SMARCC1: variants seen among roughly 807,000 people sequenced by gnomAD.
The protein encoded by SMARCC1 is SWI/SNF related BAF chromatin remodeling complex subunit C1.
SMARCC1 carries 43 observed loss-of-function variants against 147.4 expected under a neutral mutation model. That is an observed-to-expected ratio of 0.29 (90% CI 0.23 to 0.38). The LOEUF (loss-of-function observed/expected upper bound fraction) is 0.38. SMARCC1 is among the 10% of genes least tolerant of loss of function. SMARCC1 has a pLI of 1.00. For missense variants in SMARCC1, 1,119 were observed against 1,381.1 expected, an observed-to-expected ratio of 0.81 and a Z score of 3.01; for synonymous variants, 495 against 484.4, an observed-to-expected ratio of 1.02 and a Z score of -0.29.
intron 2 of SMARCC1, among the ~76,000 whole-genome samples, chr3:47,753,556 C>CA (rs1162028886): frequency 3.3e-5 from 5 of 150,366 alleles, no homozygotes; most frequent in Non-Finnish European, 4.4e-5. Flanking sequence ...ACTAAAAATA[C>CA]AAAAAAAATC....
At chr3:47,756,649 C>T (rs574309088) in intron 2 of SMARCC1, among the ~76,000 whole-genome samples, 3 of 151,930 alleles carry the variant, frequency 2.0e-5, no homozygotes, top group South Asian at 4.1e-4. Flanking sequence ...TAATGGTCCA[C>T]GGGTCAAATG....
At position 47,585,641 on chromosome 3, in the gene SMARCC1, G is replaced by A. The variant is rs1175856616; in HGVS notation, c.*2568C>T. The stretch of plus-strand genomic sequence containing the variant: ...GCAAAGCTATTTCTCACACCTGGAG[G>A]TGCCAGGATGTTGGCCATCATTTTT... On this transcript the variant is annotated 3_prime_UTR_variant, in exon 28 of 28. Transcript: ENST00000254480. 1 of 152,186 alleles carries A rather than the reference G, an allele frequency of 6.6e-6. No homozygotes were observed. Among genetic ancestry groups the A allele is most frequent in the Non-Finnish European group, 1.5e-5 (1 of 68,034 alleles). 9.4% of individuals were successfully genotyped at this position (152,186 alleles called of 1,614,324 possible).
intron 10 of SMARCC1, among the ~76,000 whole-genome samples, chr3:47,705,531 AG>A (rs1299229413): frequency 6.6e-6 from 1 of 152,188 alleles, no homozygotes; most frequent in Non-Finnish European, 1.5e-5. Flanking sequence ...TCTATTAGTA[AG>A]AGTGTTGTCA....
At chr3:47,756,300 T>C (rs1272235369) in intron 2 of SMARCC1, among the ~76,000 whole-genome samples, 1 of 151,896 alleles carries the variant, frequency 6.6e-6, no homozygotes, top group Non-Finnish European at 1.5e-5. Context: ...TTGGGAGGCC[T>C]AGGCGAGCAG....
chr3:47,624,849 A>G (rs1169130121), intron 24 of SMARCC1, among the ~76,000 whole-genome samples: 1 of 151,686 alleles, frequency 6.6e-6, no homozygotes, highest in Non-Finnish European at 1.5e-5. Flanking sequence ...CAGGAGTTCA[A>G]AACCAGCCTG....
chr3:47,667,275 GCCACT>G (rs1338852231), intron 19 of SMARCC1, among the ~76,000 whole-genome samples: 2 of 149,716 alleles, frequency 1.3e-5, no homozygotes, highest in East Asian at 3.9e-4. Flanking sequence ...CCGAGATCAC[GCCACT>G]GCACTCCAGC....
chr3:47,628,933 T>C (rs776761417), intron 24 of SMARCC1, among the ~76,000 whole-genome samples: 2 of 152,124 alleles, frequency 1.3e-5, no homozygotes, highest in Non-Finnish European at 1.5e-5. Context: ...CTACAACAAG[T>C]AGAATGCAGG....
intron 24 of SMARCC1, among the ~76,000 whole-genome samples, chr3:47,624,627 T>C (rs2032781221): frequency 1.3e-5 from 2 of 152,156 alleles, no homozygotes; most frequent in Non-Finnish European, 1.5e-5. Context: ...ACTTCCTACA[T>C]GTGCTACTGA....
chr3:47,646,003 T>A (rs1475487595), intron 21 of SMARCC1, among the ~76,000 whole-genome samples: 1 of 152,146 alleles, frequency 6.6e-6, no homozygotes, highest in African/African-American at 2.4e-5. Context: ...TGGCTCGGAC[T>A]TTTAAGGTGA....
intron 3 of SMARCC1, among the ~76,000 whole-genome samples, chr3:47,744,709 T>A (rs555101324): frequency 6.6e-6 from 1 of 152,126 alleles, no homozygotes; most frequent in South Asian, 2.1e-4. Context: ...GTGAACTATG[T>A]CCCTGACAAC....
rs771485811 is a variant in SMARCC1, at chr3:47,781,680, T to G, written c.118A>C (p.Thr40Pro). ...GTCTCCGGGCTCTCCCAAAACTTGG[T>G]GGCCGGGCCCCCATCCTTCCGTCGA... ...VYRRKDGGPA[T>P]KFWESPETVS... is the part of the protein sequence containing the mutation. Residue 40 changes from threonine (T) to proline (P), a missense_variant, in exon 1 of 28, where the codon ACC becomes CCC. Around this residue, in one of 6 missense-constraint regions of SMARCC1, gnomAD observed 542 missense variants for 611.8 expected, o/e 0.89. Transcript: ENST00000254480. 1.3e-6 allele frequency: 2 copies of G among 1,561,502 alleles called. No homozygotes were observed. Among genetic ancestry groups the G allele is most frequent in the African/African-American group, 1.4e-5 (1 of 70,374 alleles).
chr3:47,647,926 T>C (rs1026906270), intron 21 of SMARCC1, among the ~76,000 whole-genome samples: 3 of 152,236 alleles, frequency 2.0e-5, no homozygotes, highest in Admixed American at 2.0e-4. Context: ...CACTTCTGTT[T>C]CTGTGACTTC....
chr3:47,622,423 A>G, intron 24 of SMARCC1, 82 bp from the exon 25 acceptor site: 1 of 1,314,802 alleles, frequency 7.6e-7, no homozygotes. Flanking sequence ...TATTCAAAGT[A>G]GAGATTATAT....
intron 26 of SMARCC1, chr3:47,603,353 T>A (rs775054719): frequency 3.3e-5 from 5 of 149,980 alleles, no homozygotes; most frequent in Non-Finnish European, 7.4e-5. Flanking sequence ...ACCTGGGAGG[T>A]AGAGGTTGAG....
At chr3:47,637,236 A>T (rs887378513) in intron 22 of SMARCC1, among the ~76,000 whole-genome samples, 1 of 152,208 alleles carries the variant, frequency 6.6e-6, no homozygotes, top group African/African-American at 2.4e-5. Context: ...AATGTGAAGT[A>T]CAAATATCGT....
chr3:47,643,690 T>A (rs1313464484), intron 21 of SMARCC1, among the ~76,000 whole-genome samples: 1 of 152,250 alleles, frequency 6.6e-6, no homozygotes, highest in African/African-American at 2.4e-5. Flanking sequence ...ATTTTCACAG[T>A]ATTTAGAATG....
chr3:47,757,180 G>A (rs1171817990), intron 2 of SMARCC1, among the ~76,000 whole-genome samples: 4 of 152,068 alleles, frequency 2.6e-5, no homozygotes, highest in Admixed American at 2.0e-4. Flanking sequence ...GAGCCCAGGC[G>A]TTTGAGGCCG....
chr3:47,678,238 A>C lies in SMARCC1; in HGVS notation c.1531T>G (p.Cys511Gly). 6.2e-7 allele frequency: 1 copy of C among 1,609,620 alleles called. No individual in the cohort carries two copies. The highest frequency in any genetic ancestry group is 8.5e-7 in the Non-Finnish European group (1 of 1,178,124). ...ACATCTCCAGTCAAGTTCCTCCGAC[A>C]AGCAGTGCTAGTTAAATACTCTTGG... is the stretch of plus-strand genomic sequence containing the variant. ...NPQEYLTSTA[C>G]RRNLTGDVCA... is the part of the protein sequence containing the mutation. The change falls in exon 16 of 28, where the codon TGT becomes GGT. Residue 511 changes from cysteine to glycine, a missense_variant. Transcript: ENST00000254480.
At chr3:47,748,686 T>C (rs2034594228) in intron 2 of SMARCC1, among the ~76,000 whole-genome samples, 1 of 152,000 alleles carries the variant, frequency 6.6e-6, no homozygotes, top group Non-Finnish European at 1.5e-5. Flanking sequence ...GTAAAAACAA[T>C]ATAAACTGAG....
Sources: gnomAD v4.1 joint callset for allele counts (sites outside exome capture counted in the v4.1 genomes callset) on GRCh38, gnomAD v4.1.1 for gene constraint, gnomAD v4.1.1 regional missense constraint, MANE v1.5 for transcripts, NCBI Gene and HGNC (gene_info 2026-07-23, HGNC 2026-07-21) for gene names.